Variants in SLC35D2 observed in about 807,000 individuals in gnomAD.
The protein encoded by SLC35D2 is solute carrier family 35 member D2, also known as nucleotide sugar transporter SLC35D2.
SLC35D2 carries 43 observed loss-of-function variants against 41.8 expected under a neutral mutation model. The ratio of observed to expected loss-of-function variants is 1.03; its 90% CI spans 0.81 to 1.33. The LOEUF (loss-of-function observed/expected upper bound fraction) is 1.33, where lower values mean the gene tolerates loss of function less well. Among genes scored for constraint, SLC35D2 ranks in the 40% most tolerant of loss-of-function variants. SLC35D2 has a pLI of 0.00. For synonymous variants in SLC35D2, 150 were observed against 163.9 expected, an observed-to-expected ratio of 0.92 and a Z score of 0.65; for missense variants, 380 against 408.4, an observed-to-expected ratio of 0.93 and a Z score of 0.60.
chr9:96,355,941 TAC>T (rs1187612520), intron 4 of SLC35D2, among the ~76,000 whole-genome samples: 3 of 152,250 alleles, frequency 2.0e-5, no homozygotes, highest in Admixed American at 6.5e-5. Context: ...CACAGATTGC[TAC>T]AGTTTGGATA....
chr9:96,355,318 C>CA (rs772384553), intron 4 of SLC35D2, among the ~76,000 whole-genome samples: 24 of 151,242 alleles, frequency 1.6e-4, no homozygotes, highest in Non-Finnish European at 1.5e-4. Flanking sequence ...CACGCCAAGC[C>CA]AAAAAATATA....
chr9:96,323,170 G>A (rs948987846), intron 10 of SLC35D2, among the ~76,000 whole-genome samples: 4 of 152,064 alleles, frequency 2.6e-5, no homozygotes, highest in Non-Finnish European at 4.4e-5. Context: ...TCTGCCCAGT[G>A]CATTCTAGGA....
intron 1 of SLC35D2, among the ~76,000 whole-genome samples, chr9:96,382,490 C>CTATATATATATATATATAT (rs1238926572): frequency 2.1e-5 from 3 of 144,850 alleles, no homozygotes. Flanking sequence ...CACACACACA[C>CTATATATATATATATATAT]ACACACTATA....
At chr9:96,332,221 G>A (rs1048454363) in intron 9 of SLC35D2, among the ~76,000 whole-genome samples, 13 of 152,240 alleles carry the variant, frequency 8.5e-5, no homozygotes, top group African/African-American at 3.1e-4. Context: ...GAGTGGGCTC[G>A]CCTCGAGTCT....
rs183052713 is a variant in SLC35D2 at position 96,321,054 on chromosome 9, G to A, written c.*188C>T. 88 of 544,620 alleles carry A rather than the reference G, an allele frequency of 1.6e-4. No homozygotes were observed. Among genetic ancestry groups the A allele is most frequent in the East Asian group, 8.4e-4 (27 of 32,134 alleles). The allele number at this position is 544,620 out of a possible 1,614,324, so 33.7% of individuals were successfully genotyped here. On this transcript the variant is annotated 3_prime_UTR_variant, in exon 12 of 12. Coordinates refer to ENST00000253270, the MANE Select transcript of SLC35D2 (RefSeq NM_007001.3). ...GCTTTCCACAGGTAAGGTGTCGCCC[G>A]AGTACATTTCTTGAGACTGCCATTG... is the stretch of plus-strand genomic sequence containing the variant.
In SLC35D2 at chr9:96,339,645, G is replaced by GA. The variant is rs1328022589; in HGVS notation, c.685-2862dup. ...TTGCACTCAGGGTTTTTTAATCAGGGAAAAAAAGTCCTATTATTTATCTCT... is the reference window on the plus strand; with the variant it reads ...TTGCACTCAGGGTTTTTTAATCAGGGAAAAAAAAGTCCTATTATTTATCTCT... On this transcript the variant is annotated intron_variant, in intron 8 of 11. Coordinates refer to ENST00000253270, the MANE Select transcript of SLC35D2 (RefSeq NM_007001.3). 4.6e-5 allele frequency among the ~76,000 whole-genome samples: 7 copies of GA among 151,772 alleles called. No individual in the cohort carries two copies. The East Asian group carries it at 1.4e-3, about 29-fold the overall frequency.
intron 2 of SLC35D2, among the ~76,000 whole-genome samples, chr9:96,367,159 G>A (rs1830506843): frequency 6.8e-6 from 1 of 147,910 alleles, no homozygotes; most frequent in Non-Finnish European, 1.5e-5. Flanking sequence ...GGCAGAGGCT[G>A]CAGTGAGCCA....
chr9:96,324,944 A>C (rs1325729171), intron 9 of SLC35D2, among the ~76,000 whole-genome samples: 1 of 152,138 alleles, frequency 6.6e-6, no homozygotes, highest in Non-Finnish European at 1.5e-5. Flanking sequence ...CGTGCACGAT[A>C]TGAAAGATCC....
chr9:96,342,583 G>A (rs1161740064), intron 8 of SLC35D2, among the ~76,000 whole-genome samples: 5 of 152,174 alleles, frequency 3.3e-5, no homozygotes, highest in Admixed American at 2.6e-4. Context: ...CTTCCAAAAC[G>A]GAATTAACAG....
intron 8 of SLC35D2, among the ~76,000 whole-genome samples, chr9:96,341,395 A>G (rs543338360): frequency 2.0e-4 from 31 of 152,378 alleles, no homozygotes; most frequent in African/African-American, 7.5e-4. Flanking sequence ...AACACTTTTC[A>G]TATACAAATG....
intron 3 of SLC35D2, among the ~76,000 whole-genome samples, chr9:96,361,723 A>C (rs535983369): frequency 1.3e-5 from 2 of 152,168 alleles, no homozygotes; most frequent in Non-Finnish European, 2.9e-5. Context: ...CAGAAAAAAA[A>C]AAAAAGGAAG....
chr9:96,381,850 ATCT>A (rs1305471134), intron 1 of SLC35D2, among the ~76,000 whole-genome samples: 3 of 152,206 alleles, frequency 2.0e-5, no homozygotes, highest in East Asian at 3.9e-4. Context: ...AGGCACAGTG[ATCT>A]TCTCTCTGTT....
intron 1 of SLC35D2, among the ~76,000 whole-genome samples, chr9:96,368,566 G>C (rs1830561184): frequency 6.6e-6 from 1 of 151,518 alleles, no homozygotes. Flanking sequence ...TCAGCTTCCT[G>C]CCACCCAGGC....
chr9:96,382,496 C>CTATATA (rs142809659), intron 1 of SLC35D2, among the ~76,000 whole-genome samples: 50 of 127,936 alleles, frequency 3.9e-4, no homozygotes, highest in African/African-American at 1.1e-3. Flanking sequence ...CACACACACA[C>CTATATA]TATATATATA....
chr9:96,363,573 A>C (rs1388555677), intron 3 of SLC35D2, among the ~76,000 whole-genome samples: 1 of 152,184 alleles, frequency 6.6e-6, no homozygotes, highest in Non-Finnish European at 1.5e-5. Context: ...GTTCCATTCC[A>C]CAGTCCACGA....
chr9:96,333,317 C>A (rs189091212), intron 9 of SLC35D2, among the ~76,000 whole-genome samples: 1 of 151,966 alleles, frequency 6.6e-6, no homozygotes, highest in East Asian at 2.0e-4. Context: ...GAATTGTAGG[C>A]CGGGCGTGGT....
Position 96,321,267 on chromosome 9 carries a change from T to C in SLC35D2, c.989A>G (p.Asn330Ser). The change falls in exon 12 of 12, where the codon AAC (asparagine) becomes AGC (serine). Residue 330 changes from asparagine (N) to serine (S), a missense_variant. By Grantham distance (46) the Asn-to-Ser change is conservative. Coordinates refer to ENST00000253270, the MANE Select transcript of SLC35D2 (RefSeq NM_007001.3). Reference sequence around the variant, plus strand: ...TTAGCTCTTCAAATCCAAACAGATGTTTTCTTCACCCACAGGTTTAGGTTT... The same window carrying C: ...TTAGCTCTTCAAATCCAAACAGATGCTTTCTTCACCCACAGGTTTAGGTTT... ...QLKPKPVGEENICLDLKS is the reference protein window; with the variant it reads ...QLKPKPVGEESICLDLKS 6.2e-7 allele frequency: 1 copy of C among 1,613,904 alleles called. No homozygotes were observed. Among genetic ancestry groups the C allele is most frequent in the Non-Finnish European group, 8.5e-7 (1 of 1,179,850 alleles).
At chr9:96,383,407 G>T in intron 1 of SLC35D2, 70 bp downstream of exon 1, 2 of 1,333,018 alleles carry the variant, frequency 1.5e-6, no homozygotes, top group Non-Finnish European at 1.0e-6. Flanking sequence ...CCCGGGCGCC[G>T]CTGAAGCGCA....
intron 2 of SLC35D2, among the ~76,000 whole-genome samples, chr9:96,366,463 TAA>T (rs1830477396): frequency 6.6e-6 from 1 of 151,316 alleles, no homozygotes; most frequent in Non-Finnish European, 1.5e-5. Flanking sequence ...GCCACTGGGT[TAA>T]AGAGTAATGA....
Sources: allele counts gnomAD v4.1 joint callset (sites outside exome capture counted in the v4.1 genomes callset), GRCh38; gene constraint gnomAD v4.1.1; transcripts MANE v1.5; gene names NCBI Gene and HGNC (gene_info 2026-07-23, HGNC 2026-07-21).